Variants in SDF4 observed in about 807,000 individuals in gnomAD.
The protein encoded by SDF4 is stromal cell derived factor 4.
SDF4 carries 22 observed loss-of-function variants against 34.2 expected under a neutral mutation model. That is an observed-to-expected ratio of 0.64 (90% confidence interval 0.46 to 0.92). The LOEUF is 0.92. SDF4 is among the 40% of genes least tolerant of loss of function. The probability of loss-of-function intolerance (pLI) is 0.00; values close to 1 mark genes in which losing one functional copy is unlikely to be tolerated. For synonymous variants in SDF4, 236 were observed against 203.1 expected (o/e 1.16, Z -1.38); for missense variants, 447 against 499.9 (o/e 0.89, Z 1.01).
intron 2 of SDF4, 125 bp downstream of exon 2, chr1:1,228,343 C>A (rs1403484078): frequency 1.8e-6 from 2 of 1,096,050 alleles, no homozygotes; most frequent in Admixed American, 2.7e-5. Context: ...ATCACCGGCA[C>A]GTCTTCCCAG....
At chr1:1,230,752 C>T (rs1266728025) in intron 1 of SDF4, among the ~76,000 whole-genome samples, 2 of 152,220 alleles carry the variant, frequency 1.3e-5, no homozygotes, top group Non-Finnish European at 2.9e-5. Flanking sequence ...AGCCATGCAC[C>T]CGGCCTGATT....
At chr1:1,220,240 A>G (rs1426525412) in intron 4 of SDF4, 20 of 1,028,766 alleles carry the variant, frequency 1.9e-5, no homozygotes, top group Non-Finnish European at 2.3e-5. Context: ...ACCCTCCTGG[A>G]TCAGGGAGAG....
chr1:1,223,516 C>G (rs919393640), intron 3 of SDF4, among the ~76,000 whole-genome samples, 159 bp from the exon 4 acceptor site: 3 of 152,228 alleles, frequency 2.0e-5, no homozygotes, highest in African/African-American at 7.2e-5. Flanking sequence ...CGTTTCCTCA[C>G]CTGTGAGGCC....
chr1:1,221,233 CA>C (rs1187724143), intron 4 of SDF4: 2 of 167,708 alleles, frequency 1.2e-5, no homozygotes, highest in African/African-American at 4.8e-5. Context: ...AGGCCAGGCA[CA>C]GGGGCTCATG....
At position 1,217,007 on chromosome 1, in the gene SDF4, G is replaced by A. The variant is rs1649535322; in HGVS notation, c.*505C>T. On this transcript the variant is annotated 3_prime_UTR_variant, in exon 7 of 7. Transcript: ENST00000360001. This position sits in a 1 kb window ranked among gnomAD's most constrained non-coding sequence, Gnocchi z 8.5. The stretch of plus-strand genomic sequence containing the variant: ...TCTCAGCGGCAGCTGCGGGACCTGG[G>A]TGGCTCCGACACGCCAGGCCCGGGA... 6.6e-6 allele frequency: 1 copy of A among 152,236 alleles called. No homozygotes were observed. Among genetic ancestry groups the A allele is most frequent in the Non-Finnish European group, 1.5e-5 (1 of 68,042 alleles). 9.4% of individuals were successfully genotyped at this position (152,236 alleles called of 1,614,324 possible).
At chr1:1,221,906 C>T (rs1649983985) in intron 4 of SDF4, among the ~76,000 whole-genome samples, 1 of 152,208 alleles carries the variant, frequency 6.6e-6, no homozygotes, top group Non-Finnish European at 1.5e-5. Context: ...GCCGAGACTG[C>T]ACCACTGCAC....
intron 2 of SDF4, among the ~76,000 whole-genome samples, chr1:1,224,548 A>G (rs1430517679): frequency 2.6e-5 from 4 of 152,180 alleles, no homozygotes; most frequent in Admixed American, 1.3e-4. Context: ...CCAACGTGCT[A>G]GGATTACAGG....
Position 1,228,577 on chromosome 1 carries a change from G to A in SDF4, c.196C>T (p.Leu66Phe). 6.2e-7 allele frequency: 1 copy of A among 1,613,196 alleles called. No homozygotes were observed. Residue 66 changes from leucine (L) to phenylalanine (F), a missense_variant, in exon 2 of 7, where the codon CTC becomes TTC. Transcript: ENST00000360001. Reference protein sequence around the residue: ...NGVKLEMDGHLNRGFHQEVFL... With the variant: ...NGVKLEMDGHFNRGFHQEVFL... ...ACCTCCTGGTGGAAGCCGCGATTGA[G>A]GTGCCCGTCCATCTCCAGCTTCACC...
Position 1,228,748 on chromosome 1 carries a change from T to C in SDF4, c.25A>G (p.Ile9Val). 1.2e-6 allele frequency: 2 copies of C among 1,611,642 alleles called. No individual in the cohort carries two copies. Among genetic ancestry groups the C allele is most frequent in the Non-Finnish European group, 8.5e-7 (1 of 1,179,772 alleles). The part of the protein sequence containing the change: MASRWGPL[I>V]GLAPCCLWLL... ...CAGAGGCAGCACGGAGCCAGGCCAA[T>C]GAGGGGACCCCACCTGGACGCCATC... Residue 9 changes from isoleucine (I) to valine (V), a missense_variant, in exon 2 of 7, where the codon ATT (isoleucine) becomes GTT (valine). Ile to Val is a conservative substitution (Grantham distance 29). Transcript: ENST00000360001.
intron 2 of SDF4, 98 bp downstream of exon 2, chr1:1,228,370 A>T (rs1358077030): frequency 4.5e-6 from 6 of 1,337,602 alleles, no homozygotes; most frequent in Non-Finnish European, 6.0e-6. Flanking sequence ...AGGTCCCGAC[A>T]CAGGGCCCGG....
intron 4 of SDF4, chr1:1,220,454 A>G (rs975824766): frequency 6.1e-5 from 72 of 1,188,106 alleles, no homozygotes; most frequent in Middle Eastern, 3.8e-4. Context: ...CGCAGGAGTG[A>G]CGCCTGCCAG....
chr1:1,218,559 C>T lies in SDF4; in HGVS notation c.790G>A (p.Gly264Ser), dbSNP rs1051308090. The change falls in exon 6 of 7, where the codon GGC becomes AGC. Residue 264 changes from glycine to serine, a missense_variant. Gly to Ser is a moderately conservative substitution (Grantham distance 56, BLOSUM62 0). Transcript: ENST00000360001. This position sits in a 1 kb window ranked among gnomAD's most constrained non-coding sequence, Gnocchi z 7.9. ...ACCCAGTTGTCGTCAATGTCCTGGC[C>T]CTGCTGGTTCTCCACGGTGCCCACG... ...LPVGTVENQQ[G>S]QDIDDNWVKD... is the part of the protein sequence containing the mutation. The T allele has an allele frequency of 2.5e-6, 4 of 1,613,982 alleles. No homozygotes were observed. In the African/African-American group the frequency reaches 5.3e-5, roughly 22 times the overall value.
In SDF4 at chr1:1,218,165, G is replaced by C. The variant is rs1649647246; in HGVS notation, c.891+293C>G. Among the ~76,000 whole-genome samples the C allele has an allele frequency of 6.6e-6, 1 of 152,228 alleles. No individual in the cohort carries two copies. Among genetic ancestry groups the C allele is most frequent in the Non-Finnish European group, 1.5e-5 (1 of 68,044 alleles). On this transcript the variant is annotated intron_variant, in intron 6 of 6. Coordinates refer to ENST00000360001, the MANE Select transcript of SDF4 (RefSeq NM_016176.6). This position sits in a 1 kb window ranked among gnomAD's most constrained non-coding sequence, Gnocchi z 7.9. ...TGCCTCCATGCTGGGCCCAGCATGA[G>C]CTTCCCCTTGTGGTCCCGTTAAAAA... is the stretch of plus-strand genomic sequence containing the variant.
At chr1:1,226,955 G>A (rs1297212642) in intron 2 of SDF4, among the ~76,000 whole-genome samples, 4 of 152,136 alleles carry the variant, frequency 2.6e-5, no homozygotes, top group Admixed American at 6.5e-5. Flanking sequence ...CAGCCTCTTC[G>A]TGGGTTGGTC....
chr1:1,224,080 C>G, intron 2 of SDF4, 112 bp from the exon 3 acceptor site: 1 of 1,533,340 alleles, frequency 6.5e-7, no homozygotes, highest in Non-Finnish European at 8.8e-7. Flanking sequence ...CTGCCACCAA[C>G]AGCGACAGGC....
chr1:1,230,513 T>G (rs1399547386), intron 1 of SDF4, among the ~76,000 whole-genome samples: 9 of 150,668 alleles, frequency 6.0e-5, no homozygotes, highest in Admixed American at 6.0e-4. Flanking sequence ...CAGGCTGGAG[T>G]GCAGTGGTGC....
chr1:1,218,487 C>T lies in SDF4; in HGVS notation c.862G>A (p.Asp288Asn), dbSNP rs750382527. The change falls in exon 6 of 7, where the codon GAC becomes AAC. Residue 288 changes from aspartate to asparagine, a missense_variant. Asp to Asn is a conservative substitution (Grantham distance 23). Transcript: ENST00000360001. The surrounding 1 kb of genome is among the most constrained non-coding windows in gnomAD (Gnocchi z 7.9). The stretch of plus-strand genomic sequence containing the variant: ...AGCTCCTCGGCGGTCACGATGCCGT[C>T]GTGGTTGGAGTCAATGAGCTCCTCA... ...EFEELIDSNH[D>N]GIVTAEELES... 2.9e-5 allele frequency: 47 copies of T among 1,613,156 alleles called. No homozygotes were observed. Among genetic ancestry groups the T allele is most frequent in the Non-Finnish European group, 3.5e-5 (41 of 1,179,910 alleles).
At chr1:1,229,791 C>A (rs1380139724) in intron 1 of SDF4, among the ~76,000 whole-genome samples, 1 of 152,056 alleles carries the variant, frequency 6.6e-6, no homozygotes, top group Non-Finnish European at 1.5e-5. Flanking sequence ...CAGGAGGCTC[C>A]CCCTCTCCCC....
rs761946931 is a variant in SDF4, at chr1:1,228,488, C to T, written c.285G>A (p.Lys95=). 1.6e-5 allele frequency: 26 copies of T among 1,606,906 alleles called. No individual in the cohort carries two copies. Among genetic ancestry groups the T allele is most frequent in the Admixed American group, 6.7e-5 (4 of 59,730 alleles). The change falls in exon 2 of 7, where the codon AAG becomes AAA. Residue 95 remains lysine (K), a synonymous_variant. Transcript: ENST00000360001. ...EDAEPRRSRR[K]LMVIFSKVDV... ...CCTACTTGGAAAAGATGACCATCAG[C>T]TTCCTCCGGCTCCGCCGCGGCTCCG...
Sources: allele counts gnomAD v4.1 joint callset (sites outside exome capture counted in the v4.1 genomes callset), GRCh38; gene constraint gnomAD v4.1.1; non-coding constraint Gnocchi (gnomAD v3.1); transcripts MANE v1.5; gene names NCBI Gene and HGNC (gene_info 2026-07-23, HGNC 2026-07-21).